EIF2AK2: variants seen among roughly 807,000 people sequenced by gnomAD.
EIF2AK2 encodes eukaryotic translation initiation factor 2 alpha kinase 2, also known as interferon-induced, double-stranded RNA-activated protein kinase.
A neutral mutation model predicts 70.5 loss-of-function variants in EIF2AK2; 40 were observed. The ratio of observed to expected loss-of-function variants is 0.57; its 90% CI spans 0.44 to 0.74. The LOEUF is 0.74. Ranked by LOEUF, EIF2AK2 falls within the 30% of genes least tolerant of loss-of-function variation. The probability of loss-of-function intolerance (pLI) is 0.00; values close to 1 mark genes in which losing one functional copy is unlikely to be tolerated. For missense variants in EIF2AK2, 555 were observed against 644.3 expected (o/e 0.86, Z 1.50); for synonymous variants, 198 against 220.9 (o/e 0.90, Z 0.92).
intron 10 of EIF2AK2, among the ~76,000 whole-genome samples, chr2:37,130,162 C>T (rs1435652925): frequency 2.0e-5 from 3 of 152,106 alleles, no homozygotes; most frequent in Non-Finnish European, 2.9e-5. Flanking sequence ...AGCTCAATGG[C>T]GCAATCTTGG....
At chr2:37,130,577 A>G (rs1674904811) in intron 10 of EIF2AK2, among the ~76,000 whole-genome samples, 1 of 152,172 alleles carries the variant, frequency 6.6e-6, no homozygotes, top group African/African-American at 2.4e-5. Flanking sequence ...ATTCTTCCCA[A>G]TACTAGCTAT....
In EIF2AK2 at chr2:37,147,725, G is replaced by C; in HGVS notation, c.82C>G (p.Gln28Glu). The C allele has an allele frequency of 1.2e-6, 2 of 1,613,392 alleles. No homozygotes were observed. The highest frequency in any genetic ancestry group is 1.7e-6 in the Non-Finnish European group (2 of 1,179,618). The change falls in exon 3 of 17, where the codon CAA becomes GAA. Residue 28 changes from glutamine to glutamate, a missense_variant. This residue lies in a region of EIF2AK2 where 48 missense variants were observed against 77.1 expected (regional missense o/e 0.62). Coordinates refer to ENST00000233057, the MANE Select transcript of EIF2AK2 (RefSeq NM_001135651.3). ...GGAGGTCCTGAATTAGGCAGTTCTT[G>C]ATATTTAAGTACTACTCCCTGCTTC... is the stretch of plus-strand genomic sequence containing the variant. ...RQKQGVVLKY[Q>E]ELPNSGPPHD...
intron 14 of EIF2AK2, 196 bp from the exon 15 acceptor site, chr2:37,109,491 C>T (rs1247034604): frequency 9.7e-6 from 5 of 517,098 alleles, no homozygotes; most frequent in East Asian, 3.2e-5. Context: ...TGTAAATTAA[C>T]GATCAACATG....
intron 4 of EIF2AK2, among the ~76,000 whole-genome samples, chr2:37,144,524 A>G (rs994297886): frequency 1.3e-5 from 2 of 152,104 alleles, no homozygotes; most frequent in African/African-American, 4.8e-5. Flanking sequence ...ATGGTGATGT[A>G]GATGATCCTG....
intron 4 of EIF2AK2, among the ~76,000 whole-genome samples, chr2:37,143,555 T>C (rs889452227): frequency 6.6e-6 from 1 of 152,208 alleles, no homozygotes; most frequent in Non-Finnish European, 1.5e-5. Context: ...ATGCAGATTT[T>C]TTTTCTTGTA....
intron 10 of EIF2AK2, among the ~76,000 whole-genome samples, chr2:37,127,414 A>G (rs1295443293): frequency 6.6e-6 from 1 of 152,104 alleles, no homozygotes; most frequent in Non-Finnish European, 1.5e-5. Context: ...GCATTCCACA[A>G]AAACAAAAAG....
chr2:37,146,774 T>G, intron 4 of EIF2AK2, 79 bp downstream of exon 4: 31 of 1,541,170 alleles, frequency 2.0e-5, no homozygotes, highest in Non-Finnish European at 2.4e-5. Context: ...TTACTCTGTA[T>G]GAAAGTATTT....
rs773173296 is a variant in EIF2AK2 at position 37,100,547 on chromosome 2, T to A, written c.*6726A>T. 2.6e-5 allele frequency: 4 copies of A among 152,234 alleles called. No homozygotes were observed. Among genetic ancestry groups the A allele is most frequent in the Non-Finnish European group, 4.4e-5 (3 of 68,036 alleles). 9.4% of individuals were successfully genotyped at this position (152,234 alleles called of 1,614,324 possible). On this transcript the variant is annotated 3_prime_UTR_variant, in exon 17 of 17. Transcript: ENST00000233057. ...TTATTTAGAATTTAAGCCAATAATGTCACCATATAACTATCAACTGTGATT... is the reference window on the plus strand; with the variant it reads ...TTATTTAGAATTTAAGCCAATAATGACACCATATAACTATCAACTGTGATT...
intron 14 of EIF2AK2, 21 bp from the exon 15 acceptor site, chr2:37,109,316 TTA>T: frequency 6.2e-7 from 1 of 1,601,800 alleles, no homozygotes. Context: ...CAAAATAGAT[TTA>T]CCTTTGTTAT....
At chr2:37,116,591 G>C (rs949877203) in intron 13 of EIF2AK2, among the ~76,000 whole-genome samples, 2 of 152,196 alleles carry the variant, frequency 1.3e-5, no homozygotes, top group Non-Finnish European at 2.9e-5. Context: ...AGGAGCTTCC[G>C]AGAAGCCAGC....
rs771182529 is a variant in EIF2AK2, at chr2:37,122,658, C to T, written c.915G>A (p.Ala305=). 32 of 1,613,992 alleles carry T rather than the reference C, an allele frequency of 2.0e-5. No individual in the cohort carries two copies. In the Admixed American group the frequency reaches 2.3e-4, roughly 12 times the overall value. ...IKRVKYNNEK[A]EREVKALAKL... is the part of the protein sequence containing the mutation. ...TTGCCAATGCTTTTACTTCACGCTC[C>T]GCCTTCCTAGTTAAAAGGAACAGGG... Residue 305 remains alanine, a synonymous_variant, in exon 12 of 17, where the codon GCG becomes GCA. Coordinates refer to ENST00000233057, the MANE Select transcript of EIF2AK2 (RefSeq NM_001135651.3).
At chr2:37,141,808 T>C in intron 4 of EIF2AK2, 107 bp from the exon 5 acceptor site, 3 of 1,170,168 alleles carry the variant, frequency 2.6e-6, no homozygotes, top group Non-Finnish European at 3.5e-6. Flanking sequence ...GAAAGACAAC[T>C]TGGATGTTAT....
At chr2:37,141,401 A>G (rs150560305) in intron 5 of EIF2AK2, 152 bp downstream of exon 5, 2 of 957,674 alleles carry the variant, frequency 2.1e-6, no homozygotes, top group African/African-American at 3.4e-5. Context: ...TTTTAATTAC[A>G]AATTATAAAT....
intron 4 of EIF2AK2, among the ~76,000 whole-genome samples, chr2:37,146,328 T>C (rs1675537929): frequency 1.3e-5 from 2 of 152,174 alleles, no homozygotes; most frequent in South Asian, 2.1e-4. Context: ...TGTTAAGCAA[T>C]GCATAACTGT....
chr2:37,120,050 A>G lies in EIF2AK2; in HGVS notation c.1157T>C (p.Leu386Pro). 1 of 1,567,614 alleles carries G rather than the reference A, an allele frequency of 6.4e-7. No homozygotes were observed. Among genetic ancestry groups the G allele is most frequent in the South Asian group, 1.2e-5 (1 of 84,182 alleles). The stretch of plus-strand genomic sequence containing the variant: ...GAGTTCCAAAGCCAAAACTTTGTCT[A>G]GTTTCTCGCCTCTTCTTTTTTCAAT... Reference protein sequence around the residue: ...QWIEKRRGEKLDKVLALELFE... With the variant: ...QWIEKRRGEKPDKVLALELFE... The change falls in exon 13 of 17, where the codon CTA becomes CCA. Residue 386 changes from leucine (L) to proline (P), a missense_variant. This residue lies in a region of EIF2AK2 where 299 missense variants were observed against 375.4 expected (regional missense o/e 0.80). Coordinates refer to ENST00000233057, the MANE Select transcript of EIF2AK2 (RefSeq NM_001135651.3).
intron 1 of EIF2AK2, among the ~76,000 whole-genome samples, chr2:37,152,083 A>C (rs1236459876): frequency 6.6e-6 from 1 of 152,238 alleles, no homozygotes; most frequent in East Asian, 1.9e-4. Context: ...CAACAACCAC[A>C]ACAACAAAAA....
In EIF2AK2 at chr2:37,128,871, T is replaced by C. The variant is rs560446668; in HGVS notation, c.786-2460A>G. Among the ~76,000 whole-genome samples, 11 of 152,322 alleles carry C rather than the reference T, an allele frequency of 7.2e-5. No homozygotes were observed. In the East Asian group the frequency reaches 1.9e-3, roughly 27 times the overall value. ...ATGATTACCTGTCTCCTCACGGGCA[T>C]GGACAAAAATGCCCATAAGGCAGTT... On this transcript the variant is annotated intron_variant, in intron 10 of 16. Transcript: ENST00000233057.
At chr2:37,125,053 C>T (rs547113721) in intron 11 of EIF2AK2, among the ~76,000 whole-genome samples, 3 of 151,900 alleles carry the variant, frequency 2.0e-5, no homozygotes, top group Admixed American at 2.0e-4. Flanking sequence ...GCTTTTGTTG[C>T]CCAGGCTGGA....
intron 1 of EIF2AK2, among the ~76,000 whole-genome samples, chr2:37,152,042 C>T (rs1025968052): frequency 6.6e-6 from 1 of 152,292 alleles, no homozygotes; most frequent in Admixed American, 6.5e-5. Flanking sequence ...CTCCAGCCTG[C>T]GCGACAGAGC....
Sources: allele counts gnomAD v4.1 joint callset (sites outside exome capture counted in the v4.1 genomes callset), GRCh38; gene constraint gnomAD v4.1.1; regional missense constraint gnomAD v4.1.1; transcripts MANE v1.5; gene names NCBI Gene and HGNC (gene_info 2026-07-23, HGNC 2026-07-21).